CASD1: variants seen among roughly 807,000 people sequenced by gnomAD.
CASD1 encodes CAS1 domain sialic acid O acetyltransferase 1, also known as N-acetylneuraminate (7)9-O-acetyltransferase.
In CASD1, 41 loss-of-function variants were observed where a neutral mutation model predicts 100.0. That is an observed-to-expected ratio of 0.41 (90% CI 0.32 to 0.53). The LOEUF (loss-of-function observed/expected upper bound fraction) is 0.53, where lower values mean the gene tolerates loss of function less well. Among genes scored for constraint, CASD1 ranks in the 20% least tolerant of loss-of-function variants. The pLI is 0.25. For synonymous variants in CASD1, 321 were observed against 315.6 expected, an observed-to-expected ratio of 1.02 and a Z score of -0.18; for missense variants, 774 against 948.7, an observed-to-expected ratio of 0.82 and a Z score of 2.42.
rs777757305 is a variant in CASD1, at chr7:94,555,704, A to ATT, written c.2346_2347dup (p.Cys783PhefsTer22). ...TGAAAAGGTTGGCATGTATAGCTGC[A>ATT]TTTTTTTGTGGACTCCTCATCTTAT... On this transcript the variant is annotated frameshift_variant, in exon 18 of 18. Coordinates refer to ENST00000297273, the MANE Select transcript of CASD1 (RefSeq NM_022900.5). LOFTEE classifies it high-confidence loss of function. The ATT allele has an allele frequency of 6.2e-7, 1 of 1,613,126 alleles. No homozygotes were observed. The highest frequency in any genetic ancestry group is 2.2e-5 in the East Asian group (1 of 44,856).
At chr7:94,546,829 G>T (rs1795704518) in intron 12 of CASD1, among the ~76,000 whole-genome samples, 2 of 151,760 alleles carry the variant, frequency 1.3e-5, no homozygotes, top group Admixed American at 1.3e-4. Context: ...AATCCAGGAG[G>T]CATTTAAAAA....
chr7:94,519,211 G>C (rs906320278), intron 3 of CASD1, among the ~76,000 whole-genome samples: 2 of 151,964 alleles, frequency 1.3e-5, no homozygotes, highest in African/African-American at 4.8e-5. Flanking sequence ...TAATTAATTA[G>C]TTCATTATTT....
chr7:94,616,122 C>G, the CASD1 span, among the ~76,000 whole-genome samples: 3 of 152,058 alleles, frequency 2.0e-5, no homozygotes, highest in African/African-American at 7.2e-5. Flanking sequence ...AAATGCTCAT[C>G]AAGAAGGATG....
At chr7:94,533,865 T>C (rs899309524) in intron 7 of CASD1, 63 bp downstream of exon 7, 4 of 1,373,350 alleles carry the variant, frequency 2.9e-6, no homozygotes, top group East Asian at 5.3e-5. Context: ...GTTTTTATTA[T>C]CTCCTGTTTC....
the CASD1 span, among the ~76,000 whole-genome samples, chr7:94,563,347 C>T: frequency 3.9e-5 from 6 of 152,118 alleles, no homozygotes; most frequent in Non-Finnish European, 8.8e-5. Context: ...CTCTGGAAAA[C>T]TCTTATACAT....
At chr7:94,521,834 C>G (rs1211697049) in intron 3 of CASD1, among the ~76,000 whole-genome samples, 1 of 152,060 alleles carries the variant, frequency 6.6e-6, no homozygotes, top group African/African-American at 2.4e-5. Context: ...GCCTGTAATC[C>G]CAGCACTTTG....
intron 13 of CASD1, among the ~76,000 whole-genome samples, chr7:94,547,915 T>C (rs1795756585): frequency 6.6e-6 from 1 of 151,938 alleles, no homozygotes; most frequent in African/African-American, 2.4e-5. Flanking sequence ...GCATTTTGTG[T>C]GTATGTATAA....
At chr7:94,565,081 C>T in the CASD1 span, among the ~76,000 whole-genome samples, 24 of 151,894 alleles carry the variant, frequency 1.6e-4, no homozygotes, top group Admixed American at 9.8e-4. Flanking sequence ...CTATTTTTCC[C>T]CTAGAGACAC....
chr7:94,565,148 C>T, the CASD1 span, among the ~76,000 whole-genome samples: 18 of 152,182 alleles, frequency 1.2e-4, no homozygotes, highest in South Asian at 2.5e-3. Context: ...TGGCTACCCC[C>T]AAGACTCTAA....
At chr7:94,609,022 T>TA in the CASD1 span, among the ~76,000 whole-genome samples, 1 of 152,160 alleles carries the variant, frequency 6.6e-6, no homozygotes, top group East Asian at 1.9e-4. Flanking sequence ...ATTTTTTAGT[T>TA]ACAACACCAA....
intron 1 of CASD1, among the ~76,000 whole-genome samples, chr7:94,516,651 C>G (rs1372501719): frequency 1.3e-5 from 2 of 151,990 alleles, no homozygotes; most frequent in Non-Finnish European, 2.9e-5. Flanking sequence ...CACCCCATTC[C>G]TTTGACATAT....
At chr7:94,589,995 G>A in the CASD1 span, 1 of 152,076 alleles carries the variant, frequency 6.6e-6, no homozygotes, top group Non-Finnish European at 1.5e-5. Flanking sequence ...ATCTGATTAT[G>A]TCATTTAAAT....
At chr7:94,535,845 A>G (rs996033370) in intron 8 of CASD1, among the ~76,000 whole-genome samples, 10 of 152,252 alleles carry the variant, frequency 6.6e-5, no homozygotes, top group Non-Finnish European at 1.5e-4. Context: ...ACATGTAAAA[A>G]CTACTGCTTC....
At position 94,555,723 on chromosome 7, in the gene CASD1, A is replaced by G. The variant is rs1197559692; in HGVS notation, c.2359A>G (p.Ile787Val). The G allele has an allele frequency of 6.2e-7, 1 of 1,613,150 alleles. No homozygotes were observed. The change falls in exon 18 of 18, where the codon ATC (isoleucine) becomes GTC (valine). Residue 787 changes from isoleucine (I) to valine (V), a missense_variant. By Grantham distance (29) the Ile-to-Val change is conservative. This residue lies in a region of CASD1 where 175 missense variants were observed against 206.9 expected (regional missense o/e 0.85). Transcript: ENST00000297273. ...AGCTGCATTTTTTTGTGGACTCCTCATCTTATCATCCATTCAAGATAAATC... is the reference window on the plus strand; with the variant it reads ...AGCTGCATTTTTTTGTGGACTCCTCGTCTTATCATCCATTCAAGATAAATC... ...CIAAFFCGLL[I>V]LSSIQDKSKH
intron 1 of CASD1, among the ~76,000 whole-genome samples, chr7:94,510,707 T>C (rs1793659975): frequency 6.6e-6 from 1 of 152,242 alleles, no homozygotes. Context: ...TAATTTTGCC[T>C]CTGCCCTGTA....
rs1795175413 is a variant in CASD1 at position 94,537,454 on chromosome 7, A to G, written c.844-18A>G. 1 of 1,578,484 alleles carries G rather than the reference A, an allele frequency of 6.3e-7. No homozygotes were observed. The highest frequency in any genetic ancestry group is 8.6e-7 in the Non-Finnish European group (1 of 1,164,874). ...ATCACTGACAAGATAATAACCAAAT[A>G]ACTTGATTTGTTCACAGACTGCAAT... is the stretch of plus-strand genomic sequence containing the variant. On this transcript the variant is annotated intron_variant, in intron 8 of 17. Transcript: ENST00000297273.
intron 4 of CASD1, 77 bp from the exon 5 acceptor site, chr7:94,528,111 A>G (rs181297191): frequency 3.6e-4 from 353 of 977,006 alleles, no homozygotes; most frequent in Admixed American, 6.0e-4. Flanking sequence ...TCTGTAAGAG[A>G]ATGTTAATGT....
chr7:94,527,572 G>A (rs1794638233), intron 4 of CASD1, among the ~76,000 whole-genome samples: 1 of 152,140 alleles, frequency 6.6e-6, no homozygotes, highest in Non-Finnish European at 1.5e-5. Context: ...GGACAAGGAT[G>A]GCAGAAAAGA....
At chr7:94,602,289 G>A in the CASD1 span, among the ~76,000 whole-genome samples, 16 of 152,202 alleles carry the variant, frequency 1.1e-4, no homozygotes, top group South Asian at 2.1e-4. Flanking sequence ...GATTTAGGAA[G>A]GCAAAGAAGG....
Sources: allele counts gnomAD v4.1 joint callset (sites outside exome capture counted in the v4.1 genomes callset), GRCh38; gene constraint gnomAD v4.1.1; regional missense constraint gnomAD v4.1.1; transcripts MANE v1.5; gene names NCBI Gene and HGNC (gene_info 2026-07-23, HGNC 2026-07-21).